Variants in AKAP9 observed in about 807,000 individuals in gnomAD.
AKAP9 encodes the protein A-kinase anchor protein 9.
Under a neutral mutation model 488.5 loss-of-function variants are expected in AKAP9, and 311 were observed. The observed-to-expected ratio is 0.64, with a 90% CI of 0.58 to 0.70. AKAP9 has a LOEUF of 0.70. AKAP9 is among the 30% of genes least tolerant of loss of function. AKAP9 has a pLI of 0.00. For missense variants in AKAP9, 4,215 were observed against 4,374.5 expected, an observed-to-expected ratio of 0.96 and a Z score of 1.03; for synonymous variants, 1,462 against 1,483.5, an observed-to-expected ratio of 0.99 and a Z score of 0.33.
chr7:92,027,970 T>C (rs1803588527), intron 14 of AKAP9, among the ~76,000 whole-genome samples: 3 of 152,126 alleles, frequency 2.0e-5, no homozygotes, highest in Non-Finnish European at 2.9e-5. Context: ...TGCCTTGGGA[T>C]GCTGTTAATC....
Position 92,022,235 on chromosome 7 carries a change from T to C in AKAP9, c.3838-3T>C, listed in dbSNP as rs1802425347. The C allele has an allele frequency of 1.3e-6, 2 of 1,596,680 alleles. No individual in the cohort carries two copies. The highest frequency in any genetic ancestry group is 2.7e-5 in the African/African-American group (2 of 74,550). On this transcript the variant is annotated splice_region_variant and splice_polypyrimidine_tract_variant and intron_variant, in intron 12 of 49. Coordinates refer to ENST00000356239, the MANE Select transcript of AKAP9 (RefSeq NM_005751.5). ...ACTGCTTTTATTCTGTGGTTTTCAATAGATCTGGGGACAGCAGACAGATGG... is the reference window on the plus strand; with the variant it reads ...ACTGCTTTTATTCTGTGGTTTTCAACAGATCTGGGGACAGCAGACAGATGG...
At chr7:92,108,412 G>A in intron 48 of AKAP9, 82 bp from the exon 49 acceptor site, 1 of 1,427,220 alleles carries the variant, frequency 7.0e-7, no homozygotes, top group Non-Finnish European at 9.8e-7. Flanking sequence ...CACCTTTTTG[G>A]GGAAGGGAGT....
intron 3 of AKAP9, among the ~76,000 whole-genome samples, chr7:91,989,037 T>C (rs1797453072): frequency 6.6e-6 from 1 of 152,218 alleles, no homozygotes. Context: ...GTGTTTGGCA[T>C]ACATTAGACG....
intron 49 of AKAP9, 129 bp from the exon 50 acceptor site, chr7:92,109,993 T>C: frequency 1.4e-6 from 1 of 731,742 alleles, no homozygotes; most frequent in Non-Finnish European, 2.4e-6. Flanking sequence ...GAAGAGGACA[T>C]TTTAAGGAAA....
In AKAP9 at chr7:91,994,765, C is replaced by G; in HGVS notation, c.721C>G (p.Gln241Glu). ...LTEQSQKLQI[Q>E]FQQLQASETL... is the part of the protein sequence containing the mutation. ...AGAACAGAGTCAAAAATTACAGATT[C>G]AATTTCAGCAAGTAAGTATTACTAA... Residue 241 changes from glutamine (Q) to glutamate (E), a missense_variant, in exon 6 of 50, where the codon CAA becomes GAA. Coordinates refer to ENST00000356239, the MANE Select transcript of AKAP9 (RefSeq NM_005751.5). 1 of 1,610,522 alleles carries G rather than the reference C, an allele frequency of 6.2e-7. No individual in the cohort carries two copies. Among genetic ancestry groups the G allele is most frequent in the African/African-American group, 1.3e-5 (1 of 74,942 alleles).
chr7:92,002,285 A>G lies in AKAP9; in HGVS notation c.2368A>G (p.Met790Val), dbSNP rs776190475. The change falls in exon 8 of 50, where the codon ATG becomes GTG. Residue 790 changes from methionine (M) to valine (V), a missense_variant. By Grantham distance (21) the Met-to-Val change is conservative. This residue lies in a region of AKAP9 where 2,361 missense variants were observed against 2,430.0 expected (regional missense o/e 0.97). Transcript: ENST00000356239. ...AGATGAAAAGAAAACCCTTGAAGAC[A>G]TGTTGAAAATACATACTCCTGTTAG... ...LKDEKKTLED[M>V]LKIHTPVSQE... 3.1e-6 allele frequency: 5 copies of G among 1,611,404 alleles called. No homozygotes were observed. In the African/African-American group the frequency reaches 4.0e-5, roughly 13 times the overall value.
At chr7:91,970,317 G>A (rs966556792) in intron 1 of AKAP9, among the ~76,000 whole-genome samples, 1 of 152,090 alleles carries the variant, frequency 6.6e-6, no homozygotes, top group Non-Finnish European at 1.5e-5. Context: ...TTTTTGGTAG[G>A]TTTGTCTTTT....
chr7:92,045,296 G>C (rs1450562670), intron 21 of AKAP9, 83 bp downstream of exon 21: 1 of 1,354,876 alleles, frequency 7.4e-7, no homozygotes, highest in African/African-American at 1.4e-5. Flanking sequence ...TGAAAATATA[G>C]AAGAGAAAAT....
chr7:92,085,395 T>C, intron 35 of AKAP9, 100 bp from the exon 36 acceptor site: 1 of 1,194,602 alleles, frequency 8.4e-7, no homozygotes, highest in Non-Finnish European at 1.2e-6. Context: ...GTTTTCTCTC[T>C]GCAAGCTATC....
At chr7:91,998,014 C>T (rs1166897348) in intron 7 of AKAP9, among the ~76,000 whole-genome samples, 2 of 152,120 alleles carry the variant, frequency 1.3e-5, no homozygotes, top group African/African-American at 4.8e-5. Context: ...GGGCCAGTTT[C>T]GTGGAAGACA....
intron 28 of AKAP9, among the ~76,000 whole-genome samples, chr7:92,072,491 G>T (rs1217005209): frequency 2.6e-5 from 4 of 152,124 alleles, no homozygotes; most frequent in African/African-American, 9.7e-5. Flanking sequence ...CAGAAACTAG[G>T]CAAATGCTTT....
chr7:92,048,128 A>G (rs961698337), intron 21 of AKAP9, among the ~76,000 whole-genome samples: 10 of 152,188 alleles, frequency 6.6e-5, no homozygotes, highest in African/African-American at 2.4e-4. Flanking sequence ...CATAAATATA[A>G]TGGGAGCATT....
At chr7:91,947,313 C>T (rs1467376017) in intron 1 of AKAP9, among the ~76,000 whole-genome samples, 5 of 152,030 alleles carry the variant, frequency 3.3e-5, no homozygotes, top group Non-Finnish European at 5.9e-5. Context: ...TGAATGCCTA[C>T]GACTGCAGCT....
rs527893195 is a variant in AKAP9, at chr7:91,959,503, G to A, written c.49-14208G>A. ...TTTACTTTTTTAAGAGATGGATCTTGTTATGCTGTTCTGGCTGGCCTCAAA... is the reference window on the plus strand; with the variant it reads ...TTTACTTTTTTAAGAGATGGATCTTATTATGCTGTTCTGGCTGGCCTCAAA... On this transcript the variant is annotated intron_variant, in intron 1 of 49. Coordinates refer to ENST00000356239, the MANE Select transcript of AKAP9 (RefSeq NM_005751.5). Among the ~76,000 whole-genome samples, 116 of 152,008 alleles carry A rather than the reference G, an allele frequency of 7.6e-4. 1 individual carries two copies. The highest frequency in any genetic ancestry group is 1.0e-4 in the Non-Finnish European group (7 of 67,976).
At chr7:92,058,021 G>A (rs1809089956) in intron 22 of AKAP9, 1 of 310,534 alleles carries the variant, frequency 3.2e-6, no homozygotes, top group Admixed American at 4.8e-5. Flanking sequence ...GCAGTTGTAT[G>A]AATTAATTTT....
chr7:92,066,511 C>T lies in AKAP9; in HGVS notation c.6295C>T (p.Arg2099Ter), dbSNP rs747710944. The part of the protein sequence containing the change: ...KLEQQLKVVP[R>*]FQPISEHQTR... ...AGAACAGCAACTTAAGGTTGTTCCTCGATTCCAGCCTATCAGTGAACATCA... is the reference window on the plus strand; with the variant it reads ...AGAACAGCAACTTAAGGTTGTTCCTTGATTCCAGCCTATCAGTGAACATCA... The change falls in exon 26 of 50, where the codon CGA (arginine) becomes TGA (stop). Residue 2099 changes from arginine to a stop codon, truncating the protein, a stop_gained. Transcript: ENST00000356239. LOFTEE classifies it high-confidence loss of function. 4.3e-6 allele frequency: 7 copies of T among 1,613,420 alleles called. No individual in the cohort carries two copies. The highest frequency in any genetic ancestry group is 2.2e-5 in the South Asian group (2 of 91,058).
At chr7:91,992,678 A>AAAAAAAAC (rs1562946596) in intron 4 of AKAP9, among the ~76,000 whole-genome samples, 18 of 143,718 alleles carry the variant, frequency 1.3e-4, no homozygotes, top group African/African-American at 5.2e-5. Flanking sequence ...AAAAAAAAAA[A>AAAAAAAAC]AAAAAAACTC....
intron 39 of AKAP9, among the ~76,000 whole-genome samples, chr7:92,094,073 A>G (rs1816109522): frequency 6.6e-6 from 1 of 151,214 alleles, no homozygotes; most frequent in Admixed American, 6.6e-5. Context: ...CTGGTCTCGC[A>G]CTCCTGACCT....
In AKAP9 at chr7:92,086,314, G is replaced by A. The variant is rs763529726; in HGVS notation, c.9111G>A (p.Glu3037=). The A allele has an allele frequency of 2.5e-6, 4 of 1,614,038 alleles. No individual in the cohort carries two copies. The highest frequency in any genetic ancestry group is 4.5e-5 in the East Asian group (2 of 44,884). ...LLALQQVFLE[E]RSVLLAAFRT... ...CCCTTCAACAAGTTTTCTTAGAAGAGCGTAGTGTTTTACTAGCAGCATTTC... is the reference window on the plus strand; with the variant it reads ...CCCTTCAACAAGTTTTCTTAGAAGAACGTAGTGTTTTACTAGCAGCATTTC... The change falls in exon 37 of 50, where the codon GAG becomes GAA. Residue 3037 remains glutamate, a synonymous_variant. Coordinates refer to ENST00000356239, the MANE Select transcript of AKAP9 (RefSeq NM_005751.5).
Sources: allele counts gnomAD v4.1 joint callset (sites outside exome capture counted in the v4.1 genomes callset), GRCh38; gene constraint gnomAD v4.1.1; regional missense constraint gnomAD v4.1.1; transcripts MANE v1.5; gene names NCBI Gene and HGNC (gene_info 2026-07-23, HGNC 2026-07-21).